ZFP36: variants seen among roughly 807,000 people sequenced by gnomAD.
The protein encoded by ZFP36 is ZFP36 zinc finger CCCH-type.
A neutral mutation model predicts 19.8 loss-of-function variants in ZFP36; 13 were observed. The observed-to-expected ratio is 0.66, with a 90% CI of 0.43 to 1.04. The LOEUF (loss-of-function observed/expected upper bound fraction) is 1.04. ZFP36 is among the 50% of genes least tolerant of loss of function. The pLI, the probability that ZFP36 is intolerant of heterozygous loss-of-function variation, is 0.00. For synonymous variants in ZFP36, 191 were observed against 194.5 expected (o/e 0.98, Z 0.15); for missense variants, 354 against 441.6 (o/e 0.80, Z 1.78).
chr19:39,407,883 T>C lies in ZFP36; in HGVS notation c.165T>C (p.Pro55=). 1 of 1,604,406 alleles carries C rather than the reference T, an allele frequency of 6.2e-7. No individual in the cohort carries two copies. The change falls in exon 2 of 2, where the codon CCT becomes CCC. Residue 55 remains proline, a synonymous_variant. Transcript: ENST00000597629. This position sits in a 1 kb window ranked among gnomAD's most constrained non-coding sequence, Gnocchi z 7.6. ...SSPSGVTSRL[P]GRSTSLVEGR... is the part of the protein sequence containing the mutation. Reference sequence around the variant, plus strand: ...CGTCTGGGGTCACCTCCCGCCTGCCTGGCCGCTCCACCAGCCTAGTGGAGG... The same window carrying C: ...CGTCTGGGGTCACCTCCCGCCTGCCCGGCCGCTCCACCAGCCTAGTGGAGG...
In ZFP36 at chr19:39,407,717, G is replaced by A. The variant is rs202154394; in HGVS notation, c.25-26G>A. ...GTGGGGCGTCGCCCTGCATTTTCAGGTGCCTTAACCGACCCATTTCCGCAG... is the reference window on the plus strand; with the variant it reads ...GTGGGGCGTCGCCCTGCATTTTCAGATGCCTTAACCGACCCATTTCCGCAG... On this transcript the variant is annotated intron_variant, in intron 1 of 1. Coordinates refer to ENST00000597629, the MANE Select transcript of ZFP36 (RefSeq NM_003407.5). This position sits in a 1 kb window ranked among gnomAD's most constrained non-coding sequence, Gnocchi z 7.6. The A allele has an allele frequency of 4.1e-5, 62 of 1,503,100 alleles. No individual in the cohort carries two copies. The highest frequency in any genetic ancestry group is 2.5e-4 in the Middle Eastern group (1 of 4,004). 93.1% of individuals were successfully genotyped at this position (1,503,100 alleles called of 1,614,324 possible). A position where few individuals can be genotyped will look rare whatever the true frequency, so the allele number is the denominator to read the frequency against.
In ZFP36 at chr19:39,407,123, C is replaced by G; in HGVS notation, c.24+195C>G. The G allele has an allele frequency of 1.7e-6, 1 of 580,634 alleles. No individual in the cohort carries two copies. Among genetic ancestry groups the G allele is most frequent in the East Asian group, 3.3e-5 (1 of 30,002 alleles). 36.0% of individuals were successfully genotyped at this position (580,634 alleles called of 1,614,324 possible). On this transcript the variant is annotated intron_variant, in intron 1 of 1. Transcript: ENST00000597629. The surrounding 1 kb of genome is among the most constrained non-coding windows in gnomAD (Gnocchi z 7.6). ...GGTGATTTGGAGGTGAAAATGGAACCCGCGACACCCGGCTCTTCGCTCAAA... is the reference window on the plus strand; with the variant it reads ...GGTGATTTGGAGGTGAAAATGGAACGCGCGACACCCGGCTCTTCGCTCAAA...
Position 39,406,868 on chromosome 19 carries a change from C to CT in ZFP36, c.-36dup. On this transcript the variant is annotated 5_prime_UTR_variant, in exon 1 of 2. Transcript: ENST00000597629. ...CCTCAGCCTGACTTCAGCGCTCCCACTCTCGGCCGACACCCCTCATGGCCA... is the reference window on the plus strand; with the variant it reads ...CCTCAGCCTGACTTCAGCGCTCCCACTTCTCGGCCGACACCCCTCATGGCCA... 1 of 1,598,156 alleles carries CT rather than the reference C, an allele frequency of 6.3e-7. No homozygotes were observed. The highest frequency in any genetic ancestry group is 8.5e-7 in the Non-Finnish European group (1 of 1,174,570).
Position 39,407,472 on chromosome 19 carries a change from G to A in ZFP36, c.25-271G>A, listed in dbSNP as rs761596518. Reference sequence around the variant, plus strand: ...GGGGAGGACAAGAGACCCAAAATTGGGAAACAGTGGTGCGCCCTGACTTCG... The same window carrying A: ...GGGGAGGACAAGAGACCCAAAATTGAGAAACAGTGGTGCGCCCTGACTTCG... On this transcript the variant is annotated intron_variant, in intron 1 of 1. Transcript: ENST00000597629. The surrounding 1 kb of genome is among the most constrained non-coding windows in gnomAD (Gnocchi z 7.6). 2.3e-6 allele frequency: 1 copy of A among 429,952 alleles called. No individual in the cohort carries two copies. 26.6% of individuals were successfully genotyped at this position (429,952 alleles called of 1,614,324 possible).
chr19:39,409,380 C>CCCAAAACACA lies in ZFP36; in HGVS notation c.*681_*682insCCAAAACACA, dbSNP rs1268369796. The stretch of plus-strand genomic sequence containing the variant: ...TAAAAGTCTATTTTTGTGTTTTGGG[C>CCCAAAACACA]ATTTTTAAATAAACAATCTGAGTGT... On this transcript the variant is annotated 3_prime_UTR_variant, in exon 2 of 2. Coordinates refer to ENST00000597629, the MANE Select transcript of ZFP36 (RefSeq NM_003407.5). 3.9e-5 allele frequency: 6 copies of CCCAAAACACA among 152,326 alleles called. No individual in the cohort carries two copies. The highest frequency in any genetic ancestry group is 8.8e-5 in the Non-Finnish European group (6 of 68,154). 9.4% of individuals were successfully genotyped at this position (152,326 alleles called of 1,614,324 possible).
In ZFP36 at chr19:39,407,259, G is replaced by C; in HGVS notation, c.24+331G>C. 2.0e-6 allele frequency: 1 copy of C among 499,264 alleles called. No individual in the cohort carries two copies. Among genetic ancestry groups the C allele is most frequent in the Non-Finnish European group, 3.5e-6 (1 of 284,114 alleles). The allele number at this position is 499,264 out of a possible 1,614,324, so 30.9% of individuals were successfully genotyped here. On this transcript the variant is annotated intron_variant, in intron 1 of 1. Coordinates refer to ENST00000597629, the MANE Select transcript of ZFP36 (RefSeq NM_003407.5). This position sits in a 1 kb window ranked among gnomAD's most constrained non-coding sequence, Gnocchi z 7.6. ...CTGGCTCACCCCTAGTCGTTGCTGAGGGCGTGGTTTTGCGCGGAGGCGTCT... is the reference window on the plus strand; with the variant it reads ...CTGGCTCACCCCTAGTCGTTGCTGACGGCGTGGTTTTGCGCGGAGGCGTCT...
rs1193452061 is a variant in ZFP36, at chr19:39,408,729, A to G, written c.*30A>G. On this transcript the variant is annotated 3_prime_UTR_variant, in exon 2 of 2. Transcript: ENST00000597629. This position sits in a 1 kb window ranked among gnomAD's most constrained non-coding sequence, Gnocchi z 6.0. ...GTGACTGCCCGGTCAGATCAGCTGGATCTCAGCGGGGAGCCACGTCTCTTG... is the reference window on the plus strand; with the variant it reads ...GTGACTGCCCGGTCAGATCAGCTGGGTCTCAGCGGGGAGCCACGTCTCTTG... The G allele has an allele frequency of 6.5e-7, 1 of 1,527,276 alleles. No individual in the cohort carries two copies. The highest frequency in any genetic ancestry group is 1.4e-5 in the African/African-American group (1 of 72,492). 94.6% of individuals were successfully genotyped at this position (1,527,276 alleles called of 1,614,324 possible).
Position 39,408,666 on chromosome 19 carries a change from C to G in ZFP36, c.948C>G (p.Leu316=), listed in dbSNP as rs1184820148. Residue 316 remains leucine (L), a synonymous_variant, in exon 2 of 2, where the codon CTC becomes CTG. Transcript: ENST00000597629. The surrounding 1 kb of genome is among the most constrained non-coding windows in gnomAD (Gnocchi z 6.0). ...AGCCCGTGGCAGCCCCCCGGCGACT[C>G]CCCATCTTCAATCGCATCTCTGTTT... is the stretch of plus-strand genomic sequence containing the variant. ...PPQPVAAPRR[L]PIFNRISVSE is the part of the protein sequence containing the mutation. 1.8e-5 allele frequency: 28 copies of G among 1,575,770 alleles called. No individual in the cohort carries two copies. Among genetic ancestry groups the G allele is most frequent in the Non-Finnish European group, 2.4e-5 (28 of 1,164,754 alleles).
chr19:39,406,945 C>T lies in ZFP36; in HGVS notation c.24+17C>T. On this transcript the variant is annotated intron_variant, in intron 1 of 1. Coordinates refer to ENST00000597629, the MANE Select transcript of ZFP36 (RefSeq NM_003407.5). ...ATCTACGAGGTGAGTCCCCGCCGCA[C>T]GGCATCCCCGGTACCTGCATGCCTG... is the stretch of plus-strand genomic sequence containing the variant. 1.2e-6 allele frequency: 2 copies of T among 1,610,936 alleles called. No individual in the cohort carries two copies. The highest frequency in any genetic ancestry group is 1.7e-4 in the Middle Eastern group (1 of 6,058).
At position 39,408,724 on chromosome 19, in the gene ZFP36, G is replaced by T; in HGVS notation, c.*25G>T. On this transcript the variant is annotated 3_prime_UTR_variant, in exon 2 of 2. Coordinates refer to ENST00000597629, the MANE Select transcript of ZFP36 (RefSeq NM_003407.5). The surrounding 1 kb of genome is among the most constrained non-coding windows in gnomAD (Gnocchi z 6.0). ...ACAAAGTGACTGCCCGGTCAGATCA[G>T]CTGGATCTCAGCGGGGAGCCACGTC... is the stretch of plus-strand genomic sequence containing the variant. The T allele has an allele frequency of 5.2e-6, 8 of 1,531,696 alleles. No individual in the cohort carries two copies. The highest frequency in any genetic ancestry group is 7.0e-6 in the Non-Finnish European group (8 of 1,145,992). The allele number at this position is 1,531,696 out of a possible 1,614,324, so 94.9% of individuals were successfully genotyped here. A position where few individuals can be genotyped will look rare whatever the true frequency, so the allele number is the denominator to read the frequency against.
At position 39,407,935 on chromosome 19, in the gene ZFP36, C is replaced by A; in HGVS notation, c.217C>A (p.Pro73Thr). Reference sequence around the variant, plus strand: ...CCGCAGCTGTGGCTGGGTGCCCCCACCCCCTGGCTTCGCACCGCTGGCTCC... The same window carrying A: ...CCGCAGCTGTGGCTGGGTGCCCCCAACCCCTGGCTTCGCACCGCTGGCTCC... ...EGRSCGWVPPPPGFAPLAPRL... is the reference protein window; with the variant it reads ...EGRSCGWVPPTPGFAPLAPRL... The change falls in exon 2 of 2, where the codon CCC becomes ACC. Residue 73 changes from proline to threonine, a missense_variant. By Grantham distance (38) the Pro-to-Thr change is conservative. Coordinates refer to ENST00000597629, the MANE Select transcript of ZFP36 (RefSeq NM_003407.5). This position sits in a 1 kb window ranked among gnomAD's most constrained non-coding sequence, Gnocchi z 7.6. 6.3e-7 allele frequency: 1 copy of A among 1,596,274 alleles called. No homozygotes were observed. Among genetic ancestry groups the A allele is most frequent in the South Asian group, 1.1e-5 (1 of 90,050 alleles).
Position 39,407,626 on chromosome 19 carries a change from G to C in ZFP36, c.25-117G>C. The C allele has an allele frequency of 2.2e-6, 2 of 924,706 alleles. No homozygotes were observed. The highest frequency in any genetic ancestry group is 3.1e-6 in the Non-Finnish European group (2 of 635,932). The allele number at this position is 924,706 out of a possible 1,614,324, so 57.3% of individuals were successfully genotyped here. A position where few individuals can be genotyped will look rare whatever the true frequency, so the allele number is the denominator to read the frequency against. On this transcript the variant is annotated intron_variant, in intron 1 of 1. Coordinates refer to ENST00000597629, the MANE Select transcript of ZFP36 (RefSeq NM_003407.5). The surrounding 1 kb of genome is among the most constrained non-coding windows in gnomAD (Gnocchi z 7.6). ...CATCCGGAACCCAGGGGTTTCTGCGGGCGGGTGGGGCTCAGGCGGGGAGCC... is the reference window on the plus strand; with the variant it reads ...CATCCGGAACCCAGGGGTTTCTGCGCGCGGGTGGGGCTCAGGCGGGGAGCC...
In ZFP36 at chr19:39,407,021, G is replaced by T; in HGVS notation, c.24+93G>T. On this transcript the variant is annotated intron_variant, in intron 1 of 1. Coordinates refer to ENST00000597629, the MANE Select transcript of ZFP36 (RefSeq NM_003407.5). This position sits in a 1 kb window ranked among gnomAD's most constrained non-coding sequence, Gnocchi z 7.6. ...CCGCAAACTCCAGCCCGGGACGCTT[G>T]CCTCCCTTCTCCAACTGGGGCTCCC... 1 of 1,507,616 alleles carries T rather than the reference G, an allele frequency of 6.6e-7. No homozygotes were observed. Among genetic ancestry groups the T allele is most frequent in the Non-Finnish European group, 9.0e-7 (1 of 1,115,012 alleles). 93.4% of individuals were successfully genotyped at this position (1,507,616 alleles called of 1,614,324 possible).
chr19:39,408,682 ATC>A lies in ZFP36; in HGVS notation c.968_969del (p.Ser323CysfsTer3). ...APRRLPIFNR[I>X]SVSE ...CCGGCGACTCCCCATCTTCAATCGC[ATC>A]TCTGTTTCTGAGTGACAAAGTGACT... On this transcript the variant is annotated frameshift_variant, in exon 2 of 2. Transcript: ENST00000597629. LOFTEE classifies it high-confidence loss of function. The surrounding 1 kb of genome is among the most constrained non-coding windows in gnomAD (Gnocchi z 6.0). 2 of 1,567,062 alleles carry A rather than the reference ATC, an allele frequency of 1.3e-6. No individual in the cohort carries two copies. The highest frequency in any genetic ancestry group is 8.6e-7 in the Non-Finnish European group (1 of 1,161,332).
Position 39,407,673 on chromosome 19 carries a change from C to T in ZFP36, c.25-70C>T. The T allele has an allele frequency of 7.0e-7, 1 of 1,422,348 alleles. No individual in the cohort carries two copies. The highest frequency in any genetic ancestry group is 1.4e-5 in the South Asian group (1 of 72,930). 88.1% of individuals were successfully genotyped at this position (1,422,348 alleles called of 1,614,324 possible). A position where few individuals can be genotyped will look rare whatever the true frequency, so the allele number is the denominator to read the frequency against. On this transcript the variant is annotated intron_variant, in intron 1 of 1. Transcript: ENST00000597629. This position sits in a 1 kb window ranked among gnomAD's most constrained non-coding sequence, Gnocchi z 7.6. ...AGCCCACAAACCGGCCTGGCAAGCT[C>T]TAGTTCCCTGCAGCTGGGGTGGGGC...
Position 39,408,427 on chromosome 19 carries a change from G to C in ZFP36, c.709G>C (p.Gly237Arg), listed in dbSNP as rs1262276182. 6.2e-7 allele frequency: 1 copy of C among 1,613,344 alleles called. No homozygotes were observed. Among genetic ancestry groups the C allele is most frequent in the Admixed American group, 1.7e-5 (1 of 59,958 alleles). ...LSPSAFSAAPGTPLARRDPTP... is the reference protein window; with the variant it reads ...LSPSAFSAAPRTPLARRDPTP... ...ACCCTCTGCCTTCTCTGCTGCCCCTGGCACCCCCCTGGCTCGAAGAGACCC... is the reference window on the plus strand; with the variant it reads ...ACCCTCTGCCTTCTCTGCTGCCCCTCGCACCCCCCTGGCTCGAAGAGACCC... The change falls in exon 2 of 2, where the codon GGC (glycine) becomes CGC (arginine). Residue 237 changes from glycine to arginine, a missense_variant. Physicochemically the swap from Gly to Arg is moderately radical, Grantham distance 125. Transcript: ENST00000597629. This position sits in a 1 kb window ranked among gnomAD's most constrained non-coding sequence, Gnocchi z 6.0.
Position 39,407,110 on chromosome 19 carries a change from G to T in ZFP36, c.24+182G>T, listed in dbSNP as rs1192580285. ...CTCAGACCAGCTTGGTGATTTGGAG[G>T]TGAAAATGGAACCCGCGACACCCGG... On this transcript the variant is annotated intron_variant, in intron 1 of 1. Transcript: ENST00000597629. This position sits in a 1 kb window ranked among gnomAD's most constrained non-coding sequence, Gnocchi z 7.6. 1 of 646,944 alleles carries T rather than the reference G, an allele frequency of 1.5e-6. No homozygotes were observed. The allele number at this position is 646,944 out of a possible 1,614,324, so 40.1% of individuals were successfully genotyped here.
chr19:39,409,385 TTAAA>T lies in ZFP36; in HGVS notation c.*691_*694del. 1 of 152,514 alleles carries T rather than the reference TTAAA, an allele frequency of 6.6e-6. No homozygotes were observed. Among genetic ancestry groups the T allele is most frequent in the South Asian group, 2.1e-4 (1 of 4,838 alleles). 9.4% of individuals were successfully genotyped at this position (152,514 alleles called of 1,614,324 possible). On this transcript the variant is annotated 3_prime_UTR_variant, in exon 2 of 2. Coordinates refer to ENST00000597629, the MANE Select transcript of ZFP36 (RefSeq NM_003407.5). ...GTCTATTTTTGTGTTTTGGGCATTTTTAAATAAACAATCTGAGTGTAAGCTGGGA... is the reference window on the plus strand; with the variant it reads ...GTCTATTTTTGTGTTTTGGGCATTTTTAAACAATCTGAGTGTAAGCTGGGA...
At position 39,408,455 on chromosome 19, in the gene ZFP36, C is replaced by T; in HGVS notation, c.737C>T (p.Thr246Ile). 1 of 1,610,506 alleles carries T rather than the reference C, an allele frequency of 6.2e-7. No individual in the cohort carries two copies. Among genetic ancestry groups the T allele is most frequent in the Non-Finnish European group, 8.5e-7 (1 of 1,178,048 alleles). ...ACCCCCCTGGCTCGAAGAGACCCCACCCCAGTCTGTTGCCCCTCCTGCCGA... is the reference window on the plus strand; with the variant it reads ...ACCCCCCTGGCTCGAAGAGACCCCATCCCAGTCTGTTGCCCCTCCTGCCGA... ...PGTPLARRDP[T>I]PVCCPSCRRA... The change falls in exon 2 of 2, where the codon ACC (threonine) becomes ATC (isoleucine). Residue 246 changes from threonine to isoleucine, a missense_variant. By Grantham distance (89) the Thr-to-Ile change is moderately conservative (BLOSUM62 -1). Coordinates refer to ENST00000597629, the MANE Select transcript of ZFP36 (RefSeq NM_003407.5). This position sits in a 1 kb window ranked among gnomAD's most constrained non-coding sequence, Gnocchi z 6.0.
Sources: allele counts gnomAD v4.1 joint callset, GRCh38; gene constraint gnomAD v4.1.1; non-coding constraint Gnocchi (gnomAD v3.1); transcripts MANE v1.5; gene names NCBI Gene and HGNC (gene_info 2026-07-23, HGNC 2026-07-21).